Variants in ZNF680 observed in about 807,000 individuals in gnomAD.
The protein encoded by ZNF680 is zinc finger protein 680, also known as hypothetical protein FLJ90430.
A neutral mutation model predicts 12.1 loss-of-function variants in ZNF680; 6 were observed. The observed-to-expected ratio is 0.49, with a 90% CI of 0.27 to 0.98. The LOEUF is 0.98. Among genes scored for constraint, ZNF680 ranks in the 50% least tolerant of loss-of-function variants. The pLI is 0.12. For synonymous variants in ZNF680, 170 were observed against 199.3 expected (o/e 0.85, Z 1.24); for missense variants, 561 against 616.3 (o/e 0.91, Z 0.95).
chr7:64,507,805 TC>T, the ZNF680 span, among the ~76,000 whole-genome samples: 20 of 149,286 alleles, frequency 1.3e-4, no homozygotes, highest in Non-Finnish European at 2.4e-4. Context: ...AGTGTTTTTT[TC>T]ATCTTAAAAT....
intron 3 of ZNF680, among the ~76,000 whole-genome samples, chr7:64,541,514 G>C (rs75568783): frequency 0.067 from 10,223 of 152,204 alleles, 490 homozygotes; most frequent in Admixed American, 0.1. Context: ...GACCAACCTG[G>C]GTTATGAAGC....
At chr7:64,539,868 C>T (rs1786408829) in intron 3 of ZNF680, among the ~76,000 whole-genome samples, 1 of 151,952 alleles carries the variant, frequency 6.6e-6, no homozygotes, top group Non-Finnish European at 1.5e-5. Context: ...AGCTGGTCTC[C>T]AAATTTTGGG....
the ZNF680 span, among the ~76,000 whole-genome samples, chr7:64,512,322 G>A: frequency 0.026 from 3,885 of 151,232 alleles, 103 homozygotes; most frequent in African/African-American, 0.056. Flanking sequence ...GCTTGGTGGC[G>A]TGCGCCTGTA....
At chr7:64,538,027 C>T (rs1323691374) in intron 3 of ZNF680, among the ~76,000 whole-genome samples, 2 of 152,008 alleles carry the variant, frequency 1.3e-5, no homozygotes, top group African/African-American at 4.8e-5. Context: ...TCACCATTAA[C>T]ACATGATAGA....
chr7:64,560,470 C>G (rs1040503635), intron 1 of ZNF680, among the ~76,000 whole-genome samples: 1 of 152,000 alleles, frequency 6.6e-6, no homozygotes, highest in Non-Finnish European at 1.5e-5. Context: ...CTATTTTTTC[C>G]CTAGATAGCT....
the ZNF680 span, among the ~76,000 whole-genome samples, chr7:64,506,691 T>A: frequency 6.6e-6 from 1 of 152,238 alleles, no homozygotes; most frequent in African/African-American, 2.4e-5. Context: ...CTAAAAATTT[T>A]TTATTTAAAA....
downstream of ZNF680, among the ~76,000 whole-genome samples, chr7:64,515,634 T>C (rs985984978): frequency 7.9e-5 from 12 of 151,988 alleles, no homozygotes; most frequent in African/African-American, 2.7e-4. Context: ...CCTAAAAACA[T>C]GCCCACAACT....
chr7:64,528,440 C>T lies in ZNF680; in HGVS notation c.254-5940G>A, dbSNP rs116745979. Reference sequence around the variant, plus strand: ...GGGTAGCCTGGGGCAAGTTCTTAGCCCAGCTTGCTAACTGCGTGAAAACAG... The same window carrying T: ...GGGTAGCCTGGGGCAAGTTCTTAGCTCAGCTTGCTAACTGCGTGAAAACAG... On this transcript the variant is annotated intron_variant, in intron 3 of 3. Transcript: ENST00000309683. Among the ~76,000 whole-genome samples the T allele has an allele frequency of 4.6e-3, 707 of 152,256 alleles. 3 individuals are homozygous for T. The highest frequency in any genetic ancestry group is 0.016 in the African/African-American group (670 of 41,544).
the ZNF680 span, among the ~76,000 whole-genome samples, chr7:64,509,114 TG>T: frequency 6.6e-6 from 1 of 152,166 alleles, no homozygotes; most frequent in African/African-American, 2.4e-5. Flanking sequence ...TTTCTTATGC[TG>T]GGGGGCATAC....
At chr7:64,548,898 G>A (rs1479591303) in intron 1 of ZNF680, among the ~76,000 whole-genome samples, 1 of 151,846 alleles carries the variant, frequency 6.6e-6, no homozygotes, top group Non-Finnish European at 1.5e-5. Context: ...CGAGGTGGGC[G>A]GATCACGAGG....
intron 3 of ZNF680, 151 bp from the exon 4 acceptor site, chr7:64,522,651 A>G (rs1791610169): frequency 3.6e-6 from 2 of 559,936 alleles, no homozygotes; most frequent in East Asian, 6.8e-5. Context: ...AAAAAAAGTT[A>G]TGTACAAATG....
At chr7:64,562,472 T>G (rs1017300848) in intron 1 of ZNF680, among the ~76,000 whole-genome samples, 1 of 152,190 alleles carries the variant, frequency 6.6e-6, no homozygotes, top group Non-Finnish European at 1.5e-5. Context: ...GCCCCTCCCA[T>G]GGACCACAAA....
At chr7:64,502,258 G>A in the ZNF680 span, among the ~76,000 whole-genome samples, 1 of 151,972 alleles carries the variant, frequency 6.6e-6, no homozygotes. Context: ...TGATCCACCC[G>A]CCTCGGCCTC....
chr7:64,538,540 T>C (rs1786303632), intron 3 of ZNF680, among the ~76,000 whole-genome samples: 1 of 152,258 alleles, frequency 6.6e-6, no homozygotes, highest in Non-Finnish European at 1.5e-5. Flanking sequence ...GACAAATGCA[T>C]GAAAATCACA....
chr7:64,552,147 A>C (rs1787113371), intron 1 of ZNF680: 1 of 152,112 alleles, frequency 6.6e-6, no homozygotes, highest in Non-Finnish European at 1.5e-5. Flanking sequence ...TCCGCCTCCC[A>C]GGTTAAAGCA....
At chr7:64,542,180 G>A (rs1347559147) in intron 3 of ZNF680, among the ~76,000 whole-genome samples, 2 of 152,012 alleles carry the variant, frequency 1.3e-5, no homozygotes, top group East Asian at 1.9e-4. Context: ...ACCAAGCTAC[G>A]CCCCTCTCCA....
At chr7:64,560,117 T>G (rs1276921104) in intron 1 of ZNF680, among the ~76,000 whole-genome samples, 11 of 15,526 alleles carry the variant, frequency 7.1e-4, no homozygotes, top group Admixed American at 1.4e-3. Flanking sequence ...TCTTTTCTGT[T>G]TTTTTTTTTT....
At chr7:64,535,394 GGAAGGAAA>G (rs1465441427) in intron 3 of ZNF680, among the ~76,000 whole-genome samples, 1 of 142,200 alleles carries the variant, frequency 7.0e-6, no homozygotes, top group Admixed American at 7.3e-5. Context: ...AAAGAAGGAA[GGAAGGAAA>G]GAAGGAAAGA....
intron 1 of ZNF680, among the ~76,000 whole-genome samples, chr7:64,546,586 C>CA (rs1204413629): frequency 6.6e-6 from 1 of 151,912 alleles, no homozygotes; most frequent in African/African-American, 2.4e-5. Flanking sequence ...TATTAAAATA[C>CA]AAAAAAATTA....
Sources: allele counts gnomAD v4.1 joint callset (sites outside exome capture counted in the v4.1 genomes callset), GRCh38; gene constraint gnomAD v4.1.1; transcripts MANE v1.5; gene names NCBI Gene and HGNC (gene_info 2026-07-23, HGNC 2026-07-21).